The following SYNE2 variants were observed in gnomAD, a reference collection of about 807,000 sequenced individuals.
SYNE2 encodes spectrin repeat containing nuclear envelope protein 2, also known as nesprin-2.
SYNE2 carries 431 observed loss-of-function variants against 856.3 expected under a neutral mutation model. The ratio of observed to expected loss-of-function variants is 0.50; its 90% confidence interval spans 0.47 to 0.55. SYNE2 has a LOEUF of 0.55. SYNE2 is among the 20% of genes least tolerant of loss of function. The probability of loss-of-function intolerance (pLI) is 0.00; values close to 1 mark genes in which losing one functional copy is unlikely to be tolerated. For synonymous variants in SYNE2, 2,923 were observed against 2,872.3 expected, an observed-to-expected ratio of 1.02 and a Z score of -0.56; for missense variants, 8,129 against 8,023.2, an observed-to-expected ratio of 1.01 and a Z score of -0.50.
intron 6 of SYNE2, among the ~76,000 whole-genome samples, chr14:63,947,003 C>T (rs2096043898): frequency 6.6e-6 from 1 of 152,092 alleles, no homozygotes; most frequent in South Asian, 2.1e-4. Context: ...GTGTACACCA[C>T]CATGTCTAGC....
rs144471413 is a variant in SYNE2 at position 64,142,035 on chromosome 14, G to A, written c.15253G>A (p.Val5085Met). The A allele has an allele frequency of 7.3e-5, 118 of 1,613,912 alleles. 1 individual carries two copies. Among genetic ancestry groups the A allele is most frequent in the South Asian group, 6.0e-4 (55 of 91,062 alleles). Residue 5085 changes from valine (V) to methionine (M), a missense_variant, in exon 82 of 116, where the codon GTG (valine) becomes ATG (methionine). Transcript: ENST00000555002. ...GCATCAAACTTCAGATGAAGACTCC[G>A]TGCATTCACCAAGTTCTGCATCTCA... ...VEHQTSDEDS[V>M]HSPSSASQVK...
intron 11 of SYNE2, among the ~76,000 whole-genome samples, chr14:63,974,882 G>GTATATA (rs1465256139): frequency 2.5e-3 from 67 of 27,074 alleles, no homozygotes; most frequent in Admixed American, 3.3e-3. Flanking sequence ...GTGTGTGTGT[G>GTATATA]TGTGTGTGTG....
At chr14:63,803,269 C>T (rs961117168) in intron 1 of SYNE2, among the ~76,000 whole-genome samples, 14 of 152,224 alleles carry the variant, frequency 9.2e-5, no homozygotes, top group Non-Finnish European at 2.1e-4. Context: ...CGCTCGCACT[C>T]CTCAGCCTTT....
At chr14:64,212,467 A>T (rs1363280176) in intron 104 of SYNE2, among the ~76,000 whole-genome samples, 2 of 152,234 alleles carry the variant, frequency 1.3e-5, no homozygotes, top group Non-Finnish European at 2.9e-5. Flanking sequence ...CAGCAAAAGC[A>T]AATGCCCATT....
At chr14:64,088,808 C>A (rs1326089480) in intron 58 of SYNE2, among the ~76,000 whole-genome samples, 2 of 152,228 alleles carry the variant, frequency 1.3e-5, no homozygotes, top group Admixed American at 1.3e-4. Flanking sequence ...TACTCAGTTA[C>A]ATTCCCTACA....
At chr14:63,857,455 A>G (rs1261364624) in intron 1 of SYNE2, among the ~76,000 whole-genome samples, 4 of 152,204 alleles carry the variant, frequency 2.6e-5, no homozygotes, top group Non-Finnish European at 5.9e-5. Flanking sequence ...CAGTCTTTGT[A>G]TGCATATCTT....
intron 10 of SYNE2, among the ~76,000 whole-genome samples, chr14:63,966,073 A>C (rs541394109): frequency 3.3e-5 from 5 of 152,228 alleles, no homozygotes; most frequent in Admixed American, 2.0e-4. Flanking sequence ...TAATGTTTTA[A>C]GTGACATTTA....
At chr14:64,161,215 C>T (rs2098326825) in intron 87 of SYNE2, among the ~76,000 whole-genome samples, 1 of 151,852 alleles carries the variant, frequency 6.6e-6, no homozygotes, top group Admixed American at 6.6e-5. Flanking sequence ...TGGTGGCATG[C>T]ACCTGTGGTC....
At chr14:63,897,791 C>T (rs1049271529) in intron 1 of SYNE2, among the ~76,000 whole-genome samples, 7 of 152,182 alleles carry the variant, frequency 4.6e-5, no homozygotes, top group African/African-American at 1.7e-4. Flanking sequence ...ACCCATGCTC[C>T]CCCTGCTCCT....
chr14:64,078,654 C>T (rs1249938754), intron 55 of SYNE2, 48 bp downstream of exon 55: 1 of 1,606,118 alleles, frequency 6.2e-7, no homozygotes, highest in Admixed American at 1.7e-5. Flanking sequence ...TTCTGACCCA[C>T]TCCTGCCTTG....
intron 37 of SYNE2, among the ~76,000 whole-genome samples, 154 bp downstream of exon 37, chr14:64,022,182 G>A (rs1056036035): frequency 6.6e-6 from 1 of 152,184 alleles, no homozygotes; most frequent in Non-Finnish European, 1.5e-5. Context: ...TGGGAGCAAA[G>A]ACTGATTTAT....
chr14:64,145,577 G>T (rs114474187), intron 83 of SYNE2, among the ~76,000 whole-genome samples: 4,272 of 151,282 alleles, frequency 0.028, 219 homozygotes, highest in African/African-American at 0.098. Flanking sequence ...ATATAAAAAT[G>T]TGTGTATATT....
At chr14:64,202,104 A>G in intron 99 of SYNE2, 2 of 686,812 alleles carry the variant, frequency 2.9e-6, no homozygotes, top group Middle Eastern at 3.4e-4. Flanking sequence ...GTTGGGCCGG[A>G]TGGGAGCTGA....
At chr14:64,170,163 C>A in intron 93 of SYNE2, 65 bp from the exon 94 acceptor site, 2 of 1,484,300 alleles carry the variant, frequency 1.3e-6, no homozygotes, top group Non-Finnish European at 1.9e-6. Context: ...GCTGCTATTA[C>A]CCACTGATAG....
intron 2 of SYNE2, among the ~76,000 whole-genome samples, chr14:63,931,667 T>G (rs2095757358): frequency 6.6e-6 from 1 of 152,222 alleles, no homozygotes; most frequent in Non-Finnish European, 1.5e-5. Context: ...CTTAATACCT[T>G]TAGTATTTCG....
At chr14:64,185,704 A>AG (rs1163707281) in intron 96 of SYNE2, among the ~76,000 whole-genome samples, 1 of 151,926 alleles carries the variant, frequency 6.6e-6, no homozygotes, top group Non-Finnish European at 1.5e-5. Context: ...TATTTTTAGT[A>AG]GAGATGGGGT....
At chr14:63,969,354 T>C (rs1267510024) in intron 11 of SYNE2, among the ~76,000 whole-genome samples, 1 of 147,444 alleles carries the variant, frequency 6.8e-6, no homozygotes, top group African/African-American at 2.5e-5. Context: ...TTTTTTTTTT[T>C]TTTTTGAGAT....
chr14:64,059,383 G>A (rs1469771353), intron 49 of SYNE2, among the ~76,000 whole-genome samples: 1 of 152,184 alleles, frequency 6.6e-6, no homozygotes, highest in African/African-American at 2.4e-5. Context: ...TCTGCTTACA[G>A]GATACCCCAA....
At chr14:64,034,786 TCTC>T (rs1230589990) in intron 45 of SYNE2, among the ~76,000 whole-genome samples, 1 of 152,044 alleles carries the variant, frequency 6.6e-6, no homozygotes, top group African/African-American at 2.4e-5. Flanking sequence ...GTACCTTCCA[TCTC>T]CTCCTTTCTA....
Sources: allele counts gnomAD v4.1 joint callset (sites outside exome capture counted in the v4.1 genomes callset), GRCh38; gene constraint gnomAD v4.1.1; transcripts MANE v1.5; gene names NCBI Gene and HGNC (gene_info 2026-07-23, HGNC 2026-07-21).